PRELID2: variants seen among roughly 807,000 people sequenced by gnomAD.
PRELID2 encodes PRELI domain-containing protein 2.
A neutral mutation model predicts 28.4 loss-of-function variants in PRELID2; 25 were observed. The observed-to-expected ratio is 0.88, with a 90% CI of 0.64 to 1.23. The LOEUF is 1.23. Among genes scored for constraint, PRELID2 ranks in the 50% most tolerant of loss-of-function variants. The probability of loss-of-function intolerance (pLI) is 0.00; values close to 1 mark genes in which losing one functional copy is unlikely to be tolerated. For missense variants in PRELID2, 201 were observed against 214.4 expected, an observed-to-expected ratio of 0.94 and a Z score of 0.39; for synonymous variants, 76 against 71.6, an observed-to-expected ratio of 1.06 and a Z score of -0.31.
At chr5:145,237,016 T>C in the PRELID2 span, among the ~76,000 whole-genome samples, 1 of 152,304 alleles carries the variant, frequency 6.6e-6, no homozygotes, top group East Asian at 1.9e-4. Context: ...CAGAAGAATG[T>C]GAGGAACTTG....
chr5:145,229,871 G>A, the PRELID2 span: 860 of 750,968 alleles, frequency 1.1e-3, 4 homozygotes, highest in African/African-American at 9.7e-3. Context: ...TGCAGGTGCC[G>A]GTCCTCAAGG....
intron 1 of PRELID2, among the ~76,000 whole-genome samples, chr5:145,620,848 T>A (rs777921931): frequency 3.3e-5 from 5 of 151,772 alleles, no homozygotes; most frequent in Admixed American, 6.6e-5. Flanking sequence ...CACACAAAAT[T>A]AAAGATAGCC....
chr5:145,426,477 A>G, the PRELID2 span, among the ~76,000 whole-genome samples: 191 of 152,330 alleles, frequency 1.3e-3, no homozygotes, highest in Non-Finnish European at 1.3e-3. Context: ...TAAATTCCCC[A>G]TGAAGGTCCA....
intron 1 of PRELID2, among the ~76,000 whole-genome samples, chr5:145,704,522 T>C (rs1755489416): frequency 6.6e-6 from 1 of 152,214 alleles, no homozygotes; most frequent in Non-Finnish European, 1.5e-5. Context: ...GAGAATCACT[T>C]GGTGTTACTA....
downstream of PRELID2, among the ~76,000 whole-genome samples, chr5:145,752,564 T>C (rs192500077): frequency 6.6e-6 from 1 of 152,294 alleles, no homozygotes; most frequent in Non-Finnish European, 1.5e-5. Context: ...TAGACCTCCA[T>C]GCTACATCTT....
the PRELID2 span, among the ~76,000 whole-genome samples, chr5:145,445,154 AAG>A: frequency 1.6e-3 from 239 of 152,198 alleles, no homozygotes; most frequent in African/African-American, 5.6e-3. Flanking sequence ...TAGTAAACAA[AAG>A]AGCATGACAC....
the PRELID2 span, among the ~76,000 whole-genome samples, chr5:145,314,369 T>C: frequency 6.6e-6 from 1 of 152,202 alleles, no homozygotes; most frequent in African/African-American, 2.4e-5. Context: ...AAATAAGCCA[T>C]TGATTTTAAT....
In PRELID2 at chr5:145,478,175, T is replaced by C. The variant is rs534883962; in HGVS notation, n.71-4860A>G. Among the ~76,000 whole-genome samples, 24 of 152,292 alleles carry C rather than the reference T, an allele frequency of 1.6e-4. 1 individual carries two copies. In the South Asian group the frequency reaches 5.0e-3, roughly 32 times the overall value. On this transcript the variant is annotated intron_variant and non_coding_transcript_variant, in intron 1 of 2. Coordinates refer to the PRELID2 transcript ENST00000510259. ...GTCCAGGGTAGTAGCCATTTGACTT[T>C]GGACACTTGGATGTGGCTAGTTCAA... is the stretch of plus-strand genomic sequence containing the variant.
chr5:145,527,634 C>A (rs1337196401), intron 1 of PRELID2, among the ~76,000 whole-genome samples: 1 of 152,124 alleles, frequency 6.6e-6, no homozygotes, highest in African/African-American at 2.4e-5. Context: ...GCTTTGCCCT[C>A]AAGGGTAATA....
chr5:145,355,184 T>C, the PRELID2 span, among the ~76,000 whole-genome samples: 1 of 152,112 alleles, frequency 6.6e-6, no homozygotes, highest in Non-Finnish European at 1.5e-5. Context: ...AAATTGTTTT[T>C]CTAAAAAAAT....
intron 1 of PRELID2, among the ~76,000 whole-genome samples, chr5:145,674,001 C>A (rs917677119): frequency 2.0e-5 from 3 of 151,990 alleles, no homozygotes; most frequent in South Asian, 2.1e-4. Context: ...TTAGTGAGTG[C>A]CAATAAAATG....
intron 1 of PRELID2, among the ~76,000 whole-genome samples, chr5:145,667,534 T>C (rs1348160215): frequency 9.2e-5 from 14 of 152,080 alleles, no homozygotes; most frequent in Non-Finnish European, 2.9e-5. Context: ...TAGGATTGCA[T>C]GCTCAGTGAG....
chr5:145,495,027 G>T (rs1473277108), intron 1 of PRELID2, among the ~76,000 whole-genome samples: 1 of 152,154 alleles, frequency 6.6e-6, no homozygotes, highest in Non-Finnish European at 1.5e-5. Flanking sequence ...AGTGATGAAG[G>T]TAGCTATCAA....
chr5:145,698,718 GTTGT>G (rs569821435), intron 1 of PRELID2, among the ~76,000 whole-genome samples: 57 of 152,140 alleles, frequency 3.7e-4, no homozygotes, highest in African/African-American at 1.1e-3. Flanking sequence ...CCACCTGTTT[GTTGT>G]TTGTTTGTTT....
chr5:145,404,944 A>G, the PRELID2 span, among the ~76,000 whole-genome samples: 7 of 152,158 alleles, frequency 4.6e-5, no homozygotes, highest in Admixed American at 1.3e-4. Context: ...GGATGTGGGC[A>G]GGTAACTGGA....
In PRELID2 at chr5:145,484,471, GTTCATTGATTCCTTA is replaced by G. The variant is rs201400501; in HGVS notation, n.71-11171_71-11157del. ...CCCTTAGCTCTTCTATTTCTTATTG[GTTCATTGATTCCTTA>G]TTCATTGATACATTGATTCATTCTT... On this transcript the variant is annotated intron_variant and non_coding_transcript_variant, in intron 1 of 2. Transcript: ENST00000510259. Among the ~76,000 whole-genome samples, 693 of 152,234 alleles carry G rather than the reference GTTCATTGATTCCTTA, an allele frequency of 4.6e-3. 7 individuals are homozygous for G. Among genetic ancestry groups the G allele is most frequent in the African/African-American group, 0.015 (639 of 41,542 alleles).
chr5:145,689,883 G>A (rs1755110930), intron 1 of PRELID2, among the ~76,000 whole-genome samples: 1 of 152,102 alleles, frequency 6.6e-6, no homozygotes, highest in Non-Finnish European at 1.5e-5. Flanking sequence ...CCCAGTGTGG[G>A]GCCCCTTACC....
At chr5:145,324,110 A>G in the PRELID2 span, among the ~76,000 whole-genome samples, 1 of 152,222 alleles carries the variant, frequency 6.6e-6, no homozygotes, top group Admixed American at 6.5e-5. Flanking sequence ...TTTTCTCCAC[A>G]AAGAATTCGG....
the PRELID2 span, among the ~76,000 whole-genome samples, chr5:145,342,902 T>TTA: frequency 7.8e-6 from 1 of 128,972 alleles, no homozygotes; most frequent in African/African-American, 2.9e-5. Context: ...TCAAAAACAG[T>TTA]AAAAAAAAAA....
Sources: gnomAD v4.1 joint callset for allele counts (sites outside exome capture counted in the v4.1 genomes callset) on GRCh38, gnomAD v4.1.1 for gene constraint, MANE v1.5 for transcripts, NCBI Gene and HGNC (gene_info 2026-07-23, HGNC 2026-07-21) for gene names.